EXOC4: variants seen among roughly 807,000 people sequenced by gnomAD.
EXOC4 encodes the protein exocyst complex component 4.
EXOC4 carries 71 observed loss-of-function variants against 107.2 expected under a neutral mutation model. The observed-to-expected ratio is 0.66, with a 90% CI of 0.55 to 0.81. The LOEUF is 0.81. EXOC4 is among the 30% of genes least tolerant of loss of function. The pLI, the probability that EXOC4 is intolerant of heterozygous loss-of-function variation, is 0.00. For synonymous variants in EXOC4, 456 were observed against 441.2 expected (o/e 1.03, Z -0.42); for missense variants, 1,108 against 1,189.6 (o/e 0.93, Z 1.01).
chr7:133,538,816 G>A (rs538187127), intron 9 of EXOC4, among the ~76,000 whole-genome samples: 46 of 137,324 alleles, frequency 3.3e-4, no homozygotes, highest in African/African-American at 1.2e-3. Flanking sequence ...GGGCTACAGA[G>A]CAAGACCCTG....
At chr7:133,666,755 A>C (rs1057215104) in intron 10 of EXOC4, among the ~76,000 whole-genome samples, 4 of 152,156 alleles carry the variant, frequency 2.6e-5, no homozygotes, top group African/African-American at 9.7e-5. Flanking sequence ...GATTGCCACA[A>C]TACCTGCTTC....
chr7:133,328,551 GT>G (rs1263882278), intron 5 of EXOC4, among the ~76,000 whole-genome samples: 8 of 152,190 alleles, frequency 5.3e-5, no homozygotes, highest in African/African-American at 1.9e-4. Flanking sequence ...TGTTTTTGCA[GT>G]GGTTGGTACT....
chr7:133,970,148 G>A (rs1250778903), intron 14 of EXOC4, among the ~76,000 whole-genome samples: 1 of 152,136 alleles, frequency 6.6e-6, no homozygotes, highest in Non-Finnish European at 1.5e-5. Flanking sequence ...ACACTGTGAG[G>A]GGAAAACTGC....
chr7:133,650,413 G>T (rs554120407), intron 10 of EXOC4, among the ~76,000 whole-genome samples: 31 of 152,092 alleles, frequency 2.0e-4, no homozygotes, highest in Non-Finnish European at 3.8e-4. Context: ...ACTTGAGATT[G>T]TGCATTTCCT....
At chr7:133,500,191 T>C (rs867592960) in intron 9 of EXOC4, among the ~76,000 whole-genome samples, 1 of 152,204 alleles carries the variant, frequency 6.6e-6, no homozygotes, top group Non-Finnish European at 1.5e-5. Flanking sequence ...ATGAACAGTT[T>C]GATGAGTTTT....
chr7:133,518,885 G>A (rs918045228), intron 9 of EXOC4, among the ~76,000 whole-genome samples: 2 of 151,992 alleles, frequency 1.3e-5, no homozygotes, highest in Admixed American at 6.6e-5. Flanking sequence ...TTGGGAAGAT[G>A]AAAAAAGTTC....
At position 133,438,252 on chromosome 7, in the gene EXOC4, C is replaced by G. The variant is rs571442357; in HGVS notation, c.1183-37076C>G. On this transcript the variant is annotated intron_variant, in intron 7 of 17. Coordinates refer to ENST00000253861, the MANE Select transcript of EXOC4 (RefSeq NM_021807.4). ...TCCTAATGATGTCTCATATGGTACC[C>G]CTGGCCTCTTGCACACTGATGGAAT... is the stretch of plus-strand genomic sequence containing the variant. Among the ~76,000 whole-genome samples, 86 of 152,082 alleles carry G rather than the reference C, an allele frequency of 5.7e-4. 1 individual carries two copies. The highest frequency in any genetic ancestry group is 9.7e-4 in the Non-Finnish European group (66 of 68,016).
At chr7:133,557,126 C>T (rs191681623) in intron 9 of EXOC4, among the ~76,000 whole-genome samples, 1 of 152,204 alleles carries the variant, frequency 6.6e-6, no homozygotes. Context: ...AATGTTGGAC[C>T]AAGGAGACAG....
chr7:133,795,207 C>T (rs1796789497), intron 10 of EXOC4, among the ~76,000 whole-genome samples: 1 of 152,134 alleles, frequency 6.6e-6, no homozygotes. Context: ...CTGCTTTTCC[C>T]TCTAACCACA....
At chr7:133,737,930 G>A (rs1233769768) in intron 10 of EXOC4, among the ~76,000 whole-genome samples, 2 of 5,054 alleles carry the variant, frequency 4.0e-4, no homozygotes, top group African/African-American at 7.5e-4. Context: ...TTTTTTTTTT[G>A]AGACGGGGTC....
In EXOC4 at chr7:133,604,706, C is replaced by CTTTTTTTTTTTTTTTTTTTTTTTT. The variant is rs1554477961; in HGVS notation, c.1418-25336_1418-25335insTTTTTTTTTTTTTTTTTTTTTTTT. On this transcript the variant is annotated intron_variant, in intron 9 of 17. Transcript: ENST00000253861. ...TTTTTCTTTCCTTCCTTCCTTCCTTCTTTCTTTTTTTTTTTTTTTTTTTTT... is the reference window on the plus strand; with the variant it reads ...TTTTTCTTTCCTTCCTTCCTTCCTTCTTTTTTTTTTTTTTTTTTTTTTTTTTTCTTTTTTTTTTTTTTTTTTTTT... Among the ~76,000 whole-genome samples the CTTTTTTTTTTTTTTTTTTTTTTTT allele has an allele frequency of 5.7e-4, 50 of 87,536 alleles. 5 individuals carry two copies. Among genetic ancestry groups the CTTTTTTTTTTTTTTTTTTTTTTTT allele is most frequent in the Non-Finnish European group, 7.3e-4 (32 of 44,046 alleles). The allele number at this position is 87,536 out of a possible 152,430, so 57.4% of individuals were successfully genotyped here.
rs143112147 is a variant in EXOC4 at position 133,596,910 on chromosome 7, C to T, written c.1418-33135C>T. ...CTATTTATGGCCAAGGACTTCGGGTCGGCCTCCCATGAAGCATCCAGCTAT... is the reference window on the plus strand; with the variant it reads ...CTATTTATGGCCAAGGACTTCGGGTTGGCCTCCCATGAAGCATCCAGCTAT... On this transcript the variant is annotated intron_variant, in intron 9 of 17. Transcript: ENST00000253861. Among the ~76,000 whole-genome samples, 10 of 152,270 alleles carry T rather than the reference C, an allele frequency of 6.6e-5. No homozygotes were observed. The East Asian group carries it at 9.7e-4, about 15-fold the overall frequency.
intron 7 of EXOC4, among the ~76,000 whole-genome samples, chr7:133,413,181 C>T (rs918232100): frequency 2.0e-5 from 3 of 152,084 alleles, no homozygotes; most frequent in Non-Finnish European, 2.9e-5. Flanking sequence ...GGAATGATTT[C>T]TTCTGTTGAG....
intron 7 of EXOC4, among the ~76,000 whole-genome samples, chr7:133,445,075 A>G (rs1045632720): frequency 1.3e-5 from 2 of 152,134 alleles, no homozygotes; most frequent in Non-Finnish European, 2.9e-5. Context: ...TCTGGACCGT[A>G]TGTGTACTGA....
intron 11 of EXOC4, among the ~76,000 whole-genome samples, chr7:133,868,231 A>G (rs903740628): frequency 1.3e-5 from 2 of 152,168 alleles, no homozygotes; most frequent in Admixed American, 6.5e-5. Context: ...AAAACCTCCA[A>G]TGTCAGTATG....
At chr7:134,022,786 A>G (rs1047561288) in intron 17 of EXOC4, among the ~76,000 whole-genome samples, 1 of 152,214 alleles carries the variant, frequency 6.6e-6, no homozygotes, top group South Asian at 2.1e-4. Flanking sequence ...ATTATCACAC[A>G]TCAATTTCCT....
chr7:133,526,522 A>G (rs967892235), intron 9 of EXOC4, among the ~76,000 whole-genome samples: 1 of 152,230 alleles, frequency 6.6e-6, no homozygotes, highest in African/African-American at 2.4e-5. Context: ...CTCAAGAGAG[A>G]AGCTTACCAG....
At chr7:133,802,354 G>A (rs1796964904) in intron 10 of EXOC4, among the ~76,000 whole-genome samples, 2 of 152,208 alleles carry the variant, frequency 1.3e-5, no homozygotes, top group Non-Finnish European at 2.9e-5. Flanking sequence ...CTATAGATAT[G>A]AACAATAATC....
intron 5 of EXOC4, among the ~76,000 whole-genome samples, chr7:133,324,814 A>C (rs1225511369): frequency 1.3e-5 from 2 of 152,162 alleles, no homozygotes; most frequent in African/African-American, 4.8e-5. Flanking sequence ...GTGGGGTGTT[A>C]AAGTCTCCCA....
Sources: gnomAD v4.1 joint callset for allele counts (sites outside exome capture counted in the v4.1 genomes callset) on GRCh38, gnomAD v4.1.1 for gene constraint, MANE v1.5 for transcripts, NCBI Gene and HGNC (gene_info 2026-07-23, HGNC 2026-07-21) for gene names.